The following PPME1 variants were observed in gnomAD, a reference collection of about 807,000 sequenced individuals.
The protein encoded by PPME1 is protein phosphatase methylesterase 1, also known as testicular secretory protein Li 39.
Under a neutral mutation model 56.9 loss-of-function variants are expected in PPME1, and 17 were observed. The observed-to-expected ratio is 0.30, with a 90% CI of 0.20 to 0.45. The LOEUF is 0.45. Ranked by LOEUF, PPME1 falls within the 20% of genes least tolerant of loss-of-function variation. The probability of loss-of-function intolerance (pLI) is 1.00; values close to 1 mark genes in which losing one functional copy is unlikely to be tolerated. For missense variants in PPME1, 357 were observed against 483.2 expected (o/e 0.74, Z 2.45); for synonymous variants, 122 against 156.2 (o/e 0.78, Z 1.63).
chr11:74,213,104 C>T (rs779405612), intron 3 of PPME1, among the ~76,000 whole-genome samples: 23 of 152,176 alleles, frequency 1.5e-4, no homozygotes, highest in Non-Finnish European at 3.1e-4. Context: ...GAGGGGACCA[C>T]TGCCCTGAAG....
intron 1 of PPME1, among the ~76,000 whole-genome samples, chr11:74,189,456 T>G (rs1565377691): frequency 1.3e-5 from 2 of 152,188 alleles, no homozygotes; most frequent in East Asian, 1.9e-4. Context: ...TGCCCCCTAA[T>G]TTTTGTATTT....
chr11:74,216,131 A>G (rs1207621912), intron 3 of PPME1, among the ~76,000 whole-genome samples: 3 of 152,198 alleles, frequency 2.0e-5, no homozygotes, highest in South Asian at 2.1e-4. Context: ...AATCTGCACT[A>G]TATATCAAAT....
At chr11:74,214,712 A>G (rs1005164250) in intron 3 of PPME1, among the ~76,000 whole-genome samples, 1 of 152,080 alleles carries the variant, frequency 6.6e-6, no homozygotes, top group Non-Finnish European at 1.5e-5. Context: ...CTTTTATGCT[A>G]AAATAGTATA....
At position 74,246,220 on chromosome 11, in the gene PPME1, G is replaced by A; in HGVS notation, c.964+15G>A. The A allele has an allele frequency of 1.3e-6, 2 of 1,541,786 alleles. No individual in the cohort carries two copies. The highest frequency in any genetic ancestry group is 8.8e-7 in the Non-Finnish European group (1 of 1,141,752). ...GCTCTTGGCTGGTAAGTGTATATGT[G>A]CATATATTAGTCAGCTCAGGCTGCC... On this transcript the variant is annotated intron_variant, in intron 10 of 13. Coordinates refer to ENST00000328257, the MANE Select transcript of PPME1 (RefSeq NM_016147.3).
At chr11:74,195,583 T>C (rs1047186794) in intron 1 of PPME1, among the ~76,000 whole-genome samples, 3 of 152,234 alleles carry the variant, frequency 2.0e-5, no homozygotes, top group African/African-American at 7.2e-5. Context: ...TATATGTGTG[T>C]TTTGATGCCT....
chr11:74,172,417 G>A (rs1237890619), intron 1 of PPME1, among the ~76,000 whole-genome samples: 4 of 152,222 alleles, frequency 2.6e-5, no homozygotes, highest in Non-Finnish European at 4.4e-5. Context: ...GGTCTGGGAA[G>A]CTTAGAGGAA....
Position 74,230,530 on chromosome 11 carries a change from T to G in PPME1, c.553+131T>G. The G allele has an allele frequency of 8.9e-7, 1 of 1,129,604 alleles. No homozygotes were observed. Among genetic ancestry groups the G allele is most frequent in the Non-Finnish European group, 1.3e-6 (1 of 792,922 alleles). The allele number at this position is 1,129,604 out of a possible 1,614,324, so 70.0% of individuals were successfully genotyped here. Reference sequence around the variant, plus strand: ...TATGTCCCTCTGTCTTTATATCTTTTTTAAGTTTATACAAGATAACCATTT... The same window carrying G: ...TATGTCCCTCTGTCTTTATATCTTTGTTAAGTTTATACAAGATAACCATTT... On this transcript the variant is annotated intron_variant, in intron 6 of 13. Transcript: ENST00000328257. This position sits in a 1 kb window ranked among gnomAD's most constrained non-coding sequence, Gnocchi z 4.9.
intron 7 of PPME1, 88 bp from the exon 8 acceptor site, chr11:74,235,813 A>G: frequency 6.5e-7 from 1 of 1,541,908 alleles, no homozygotes; most frequent in South Asian, 1.2e-5. Flanking sequence ...TAGGTCTCAC[A>G]TAATCTGTAG....
chr11:74,173,170 G>A lies in PPME1; in HGVS notation c.101+1648G>A, dbSNP rs544071696. ...TGTTTTGGCTTTGGAAGACAGAAAA[G>A]TTGGACTATAACATGAATAAAGAGA... On this transcript the variant is annotated intron_variant, in intron 1 of 13. Transcript: ENST00000328257. Among the ~76,000 whole-genome samples, 34 of 152,308 alleles carry A rather than the reference G, an allele frequency of 2.2e-4. 1 individual carries two copies. Among genetic ancestry groups the A allele is most frequent in the African/African-American group, 7.2e-4 (30 of 41,576 alleles).
chr11:74,197,157 A>G (rs1165470281), intron 1 of PPME1, among the ~76,000 whole-genome samples: 1 of 152,230 alleles, frequency 6.6e-6, no homozygotes, highest in Non-Finnish European at 1.5e-5. Context: ...GTAGTATCCC[A>G]TTCGCTTTTA....
chr11:74,216,296 T>C (rs1816767529), intron 3 of PPME1, among the ~76,000 whole-genome samples: 1 of 152,294 alleles, frequency 6.6e-6, no homozygotes. Context: ...TCAAGTATAT[T>C]TTCTGACCAC....
chr11:74,236,165 C>T (rs1425181652), intron 8 of PPME1, among the ~76,000 whole-genome samples, 199 bp downstream of exon 8: 1 of 152,178 alleles, frequency 6.6e-6, no homozygotes. Flanking sequence ...TCCTTTCCTT[C>T]CCTTTCTTTT....
At chr11:74,180,430 C>T (rs117384424) in intron 1 of PPME1, among the ~76,000 whole-genome samples, 9 of 152,252 alleles carry the variant, frequency 5.9e-5, no homozygotes, top group Middle Eastern at 3.4e-3. Flanking sequence ...ATAAGAACAA[C>T]GTTATTTCCC....
At chr11:74,251,504 T>C (rs1591073938) in intron 12 of PPME1, 144 bp from the exon 13 acceptor site, 2 of 1,459,630 alleles carry the variant, frequency 1.4e-6, no homozygotes, top group Non-Finnish European at 1.8e-6. Flanking sequence ...AGGGAGGGCC[T>C]AGGTCCTTTT....
Position 74,181,328 on chromosome 11 carries a change from G to A in PPME1, c.101+9806G>A, listed in dbSNP as rs538507046. Among the ~76,000 whole-genome samples the A allele has an allele frequency of 4.6e-5, 7 of 152,122 alleles. No individual in the cohort carries two copies. The East Asian group carries it at 9.7e-4, about 21-fold the overall frequency. On this transcript the variant is annotated intron_variant, in intron 1 of 13. Transcript: ENST00000328257. ...CTCCCAAAGTGCTGGGATTACAGGC[G>A]TGAGCCACCGCGCCCGGCCCACTTT...
intron 7 of PPME1, among the ~76,000 whole-genome samples, chr11:74,234,838 C>T (rs1051494120): frequency 2.0e-5 from 3 of 151,462 alleles, no homozygotes; most frequent in South Asian, 4.2e-4. Flanking sequence ...GTGACATCCA[C>T]GAGAGAAAAA....
chr11:74,192,926 C>G (rs1203394649), intron 1 of PPME1, among the ~76,000 whole-genome samples: 1 of 152,166 alleles, frequency 6.6e-6, no homozygotes, highest in East Asian at 1.9e-4. Context: ...CAAGAACAGA[C>G]TTAACACATC....
chr11:74,208,992 G>A (rs1293339814), intron 3 of PPME1, among the ~76,000 whole-genome samples: 1 of 152,200 alleles, frequency 6.6e-6, no homozygotes, highest in African/African-American at 2.4e-5. Flanking sequence ...AGGGAAAGAA[G>A]TGACTAGAGA....
At position 74,254,245 on chromosome 11, in the gene PPME1, C is replaced by T. The variant is rs1409677525; in HGVS notation, c.*735C>T. The T allele has an allele frequency of 6.5e-6, 1 of 153,090 alleles. No individual in the cohort carries two copies. Among genetic ancestry groups the T allele is most frequent in the Non-Finnish European group, 1.5e-5 (1 of 68,344 alleles). The allele number at this position is 153,090 out of a possible 1,614,324, so 9.5% of individuals were successfully genotyped here. ...CGCCCTCACCTGCCACAGAGCAACCCAGGTTAAATACAGCCCATGCACAAA... is the reference window on the plus strand; with the variant it reads ...CGCCCTCACCTGCCACAGAGCAACCTAGGTTAAATACAGCCCATGCACAAA... On this transcript the variant is annotated 3_prime_UTR_variant, in exon 14 of 14. Coordinates refer to ENST00000328257, the MANE Select transcript of PPME1 (RefSeq NM_016147.3).
Sources: allele counts gnomAD v4.1 joint callset (sites outside exome capture counted in the v4.1 genomes callset), GRCh38; gene constraint gnomAD v4.1.1; non-coding constraint Gnocchi (gnomAD v3.1); transcripts MANE v1.5; gene names NCBI Gene and HGNC (gene_info 2026-07-23, HGNC 2026-07-21).